Variants in CACNA1C observed in about 807,000 individuals in gnomAD.
The protein encoded by CACNA1C is calcium voltage-gated channel subunit alpha1 C.
A neutral mutation model predicts 229.0 loss-of-function variants in CACNA1C; 30 were observed. The observed-to-expected ratio is 0.13, with a 90% CI of 0.10 to 0.18. The LOEUF is 0.18. Among genes scored for constraint, CACNA1C ranks in the 10% least tolerant of loss-of-function variants. CACNA1C has a pLI of 1.00. For missense variants in CACNA1C, 1,658 were observed against 2,845.0 expected (o/e 0.58, Z 9.49); for synonymous variants, 1,114 against 1,132.5 (o/e 0.98, Z 0.33).
chr12:1,991,306 A>G, intron 1 of CACNA1C: 4 of 440,906 alleles, frequency 9.1e-6, no homozygotes, highest in South Asian at 6.5e-5. Context: ...ACATGGTAAA[A>G]TAAATGAAAA....
chr12:2,114,343 C>T (rs996023147), intron 1 of CACNA1C, among the ~76,000 whole-genome samples: 6 of 152,154 alleles, frequency 3.9e-5, no homozygotes, highest in African/African-American at 7.2e-5. Flanking sequence ...TCCTCCAGGA[C>T]GACCATCCAG....
chr12:2,378,964 G>A (rs2098158730), intron 3 of CACNA1C, among the ~76,000 whole-genome samples: 2 of 152,088 alleles, frequency 1.3e-5, no homozygotes, highest in Admixed American at 1.3e-4. Flanking sequence ...TCGCATTTAG[G>A]AAACTACCTA....
At chr12:2,305,519 G>A (rs1227012179) in intron 3 of CACNA1C, among the ~76,000 whole-genome samples, 1 of 152,196 alleles carries the variant, frequency 6.6e-6, no homozygotes, top group African/African-American at 2.4e-5. Context: ...ACACAACTCA[G>A]TCTGGGTCAT....
At chr12:2,401,637 T>C (rs925246494) in intron 3 of CACNA1C, among the ~76,000 whole-genome samples, 10 of 152,220 alleles carry the variant, frequency 6.6e-5, no homozygotes, top group Non-Finnish European at 1.2e-4. Flanking sequence ...ACTTATAGCT[T>C]TGTTTCCTTG....
At chr12:2,496,963 G>A (rs572611736) in intron 7 of CACNA1C, among the ~76,000 whole-genome samples, 39 of 152,306 alleles carry the variant, frequency 2.6e-4, no homozygotes, top group South Asian at 1.0e-3. Context: ...GATAAAAAGC[G>A]CTGGCCTTCT....
At chr12:2,345,268 T>C (rs971024109) in intron 3 of CACNA1C, among the ~76,000 whole-genome samples, 1 of 151,856 alleles carries the variant, frequency 6.6e-6, no homozygotes, top group African/African-American at 2.4e-5. Flanking sequence ...AAGGATGCTG[T>C]GGCATAGATA....
At chr12:2,162,216 G>A (rs1476808935) in intron 3 of CACNA1C, among the ~76,000 whole-genome samples, 1 of 152,006 alleles carries the variant, frequency 6.6e-6, no homozygotes, top group Non-Finnish European at 1.5e-5. Flanking sequence ...CAAAGAGGTT[G>A]TCCCTTTCTT....
chr12:2,276,385 GA>G (rs1431373519), intron 3 of CACNA1C, among the ~76,000 whole-genome samples: 1 of 152,184 alleles, frequency 6.6e-6, no homozygotes, highest in Non-Finnish European at 1.5e-5. Flanking sequence ...GTAAGTCAGG[GA>G]TTACCAAACA....
Position 2,566,537 on chromosome 12 carries a change from G to A in CACNA1C, c.1624G>A (p.Ala542Thr). 1 of 1,598,444 alleles carries A rather than the reference G, an allele frequency of 6.3e-7. No homozygotes were observed. Among genetic ancestry groups the A allele is most frequent in the East Asian group, 2.3e-5 (1 of 44,030 alleles). Residue 542 changes from alanine to threonine, a missense_variant, in exon 12 of 47, where the codon GCC (alanine) becomes ACC (threonine). Physicochemically the swap from Ala to Thr is moderately conservative, Grantham distance 58. Around this residue, in one of 20 missense-constraint regions of CACNA1C, gnomAD observed 149 missense variants for 194.2 expected, o/e 0.77. Transcript: ENST00000399655. The surrounding 1 kb of genome is among the most constrained non-coding windows in gnomAD (Gnocchi z 4.0). Reference protein sequence around the residue: ...FLVFLNTLTIASEHYNQPNWL... With the variant: ...FLVFLNTLTITSEHYNQPNWL... ...GGTGTTCCTCAACACGCTCACCATT[G>A]CCTCTGAGCACTACAACCAGCCCAA...
At chr12:2,077,622 C>T (rs1168407171) in intron 1 of CACNA1C, among the ~76,000 whole-genome samples, 2 of 152,176 alleles carry the variant, frequency 1.3e-5, no homozygotes, top group East Asian at 1.9e-4. Context: ...CATGGCAGCC[C>T]ATAGAAGTTT....
At chr12:2,476,396 C>G (rs984243454) in intron 5 of CACNA1C, among the ~76,000 whole-genome samples, 1 of 152,220 alleles carries the variant, frequency 6.6e-6, no homozygotes, top group African/African-American at 2.4e-5. Context: ...TAATCTGGGA[C>G]AATTTATCTG....
chr12:2,571,991 C>G (rs114304218), intron 13 of CACNA1C, among the ~76,000 whole-genome samples: 111 of 150,786 alleles, frequency 7.4e-4, no homozygotes, highest in African/African-American at 2.6e-3. Context: ...TTGGAAAGTA[C>G]TTTGCAATGT....
At chr12:2,085,654 A>G (rs1260762067) in intron 1 of CACNA1C, among the ~76,000 whole-genome samples, 2 of 152,170 alleles carry the variant, frequency 1.3e-5, no homozygotes, top group East Asian at 1.9e-4. Context: ...CGTCTTGCCT[A>G]TACAACTGTA....
intron 3 of CACNA1C, among the ~76,000 whole-genome samples, chr12:2,439,138 C>T (rs919795399): frequency 6.6e-6 from 1 of 152,168 alleles, no homozygotes; most frequent in African/African-American, 2.4e-5. Flanking sequence ...AATGACAGAA[C>T]AAGTAGCCTT....
intron 3 of CACNA1C, among the ~76,000 whole-genome samples, chr12:2,375,638 G>A (rs756741964): frequency 4.6e-5 from 7 of 152,144 alleles, no homozygotes; most frequent in Admixed American, 2.6e-4. Flanking sequence ...TTTCCAGGCC[G>A]CTGTCTCTTT....
intron 3 of CACNA1C, among the ~76,000 whole-genome samples, chr12:2,329,950 T>C (rs2096488452): frequency 6.6e-6 from 1 of 152,212 alleles, no homozygotes; most frequent in South Asian, 2.1e-4. Flanking sequence ...CCAGATGGAA[T>C]AACGTTAGTT....
intron 3 of CACNA1C, among the ~76,000 whole-genome samples, chr12:2,155,680 A>G (rs1293569311): frequency 6.6e-6 from 1 of 152,180 alleles, no homozygotes; most frequent in Admixed American, 6.5e-5. Context: ...ACCACCTCTT[A>G]GAAGACATCA....
intron 8 of CACNA1C, among the ~76,000 whole-genome samples, chr12:2,508,546 G>A (rs746712771): frequency 4.6e-5 from 7 of 152,188 alleles, no homozygotes; most frequent in Non-Finnish European, 8.8e-5. Flanking sequence ...CCAGGTATTC[G>A]GGAAGCCGAG....
chr12:2,396,166 G>A (rs978606017), intron 3 of CACNA1C, among the ~76,000 whole-genome samples: 3 of 152,084 alleles, frequency 2.0e-5, no homozygotes, highest in Non-Finnish European at 4.4e-5. Flanking sequence ...TGGTCTTTTA[G>A]GGTGCTGGGT....
Sources: gnomAD v4.1 joint callset for allele counts (sites outside exome capture counted in the v4.1 genomes callset) on GRCh38, gnomAD v4.1.1 for gene constraint, gnomAD v4.1.1 regional missense constraint, Gnocchi (gnomAD v3.1) non-coding constraint, MANE v1.5 for transcripts, NCBI Gene and HGNC (gene_info 2026-07-23, HGNC 2026-07-21) for gene names.